Variants in VWA7 observed in about 807,000 individuals in gnomAD.
VWA7 encodes the protein von Willebrand factor A domain containing 7.
VWA7 carries 66 observed loss-of-function variants against 83.1 expected under a neutral mutation model. The observed-to-expected ratio is 0.79, with a 90% CI of 0.65 to 0.98. VWA7 has a LOEUF of 0.98. VWA7 is among the 50% of genes least tolerant of loss of function. The pLI is 0.00. For missense variants in VWA7, 1,080 were observed against 1,160.2 expected, an observed-to-expected ratio of 0.93 and a Z score of 1.00; for synonymous variants, 424 against 488.5, an observed-to-expected ratio of 0.87 and a Z score of 1.74.
At position 31,773,132 on chromosome 6, in the gene VWA7, C is replaced by T. The variant is rs780907422; in HGVS notation, c.918-9G>A. On this transcript the variant is annotated splice_polypyrimidine_tract_variant and intron_variant, in intron 6 of 16. Coordinates refer to ENST00000375688, the MANE Select transcript of VWA7 (RefSeq NM_025258.3). This position sits in a 1 kb window ranked among gnomAD's most constrained non-coding sequence, Gnocchi z 5.3. ...GGGTGATGTCCAGCAGCCTGGGGAG[C>T]AAGCCAGAGACACAGTGAAGGGCCT... 1.9e-6 allele frequency: 3 copies of T among 1,609,082 alleles called. No homozygotes were observed. The African/African-American group carries it at 4.0e-5, about 22-fold the overall frequency.
chr6:31,766,433 C>A lies in VWA7; in HGVS notation c.2184+30G>T. 6.3e-7 allele frequency: 1 copy of A among 1,574,804 alleles called. No individual in the cohort carries two copies. ...AAGGGGCCGCTCTAACTCTCTCCAG[C>A]CCCAGCCGCACTTTCCCCTGGCGTC... On this transcript the variant is annotated intron_variant, in intron 14 of 16. Coordinates refer to ENST00000375688, the MANE Select transcript of VWA7 (RefSeq NM_025258.3). The surrounding 1 kb of genome is among the most constrained non-coding windows in gnomAD (Gnocchi z 4.9).
chr6:31,773,424 G>A lies in VWA7; in HGVS notation c.735C>T (p.His245=), dbSNP rs765475428. 15 of 1,593,560 alleles carry A rather than the reference G, an allele frequency of 9.4e-6. No individual in the cohort carries two copies. In the East Asian group the frequency reaches 1.4e-4, roughly 14 times the overall value. Residue 245 remains histidine, a synonymous_variant, in exon 6 of 17, where the codon CAC becomes CAT. Coordinates refer to ENST00000375688, the MANE Select transcript of VWA7 (RefSeq NM_025258.3). This position sits in a 1 kb window ranked among gnomAD's most constrained non-coding sequence, Gnocchi z 5.3. ...HPPKPPGKCS[H]GGHFDRSSSQ... ...AGCTGCTCCGGTCAAAATGGCCCCC[G>A]TGGCTACATTTCCCTGGGTTGGGGA...
rs1257628101 is a variant in VWA7 at position 31,769,699 on chromosome 6, G to A, written c.1293C>T (p.Ser431=). ...CCCGGCAGCGCCGCTCCTGAGTCAG[G>A]GATTCCACCTGGTTGGTGAGAAAGG... is the stretch of plus-strand genomic sequence containing the variant. ...KDAFLTNQVE[S]LTQERRCRVT... is the part of the protein sequence containing the mutation. The change falls in exon 9 of 17, where the codon TCC becomes TCT. Residue 431 remains serine, a synonymous_variant. Coordinates refer to ENST00000375688, the MANE Select transcript of VWA7 (RefSeq NM_025258.3). The surrounding 1 kb of genome is among the most constrained non-coding windows in gnomAD (Gnocchi z 4.5). 6.2e-7 allele frequency: 1 copy of A among 1,613,026 alleles called. No homozygotes were observed. Among genetic ancestry groups the A allele is most frequent in the South Asian group, 1.1e-5 (1 of 91,088 alleles).
In VWA7 at chr6:31,775,933, C is replaced by T; in HGVS notation, c.513+31G>A. ...CCGGACAGGCACGGAAGTGAAGACC[C>T]CTCTGACCATCAACCCAACCCTGTT... is the stretch of plus-strand genomic sequence containing the variant. On this transcript the variant is annotated intron_variant, in intron 3 of 16. Coordinates refer to ENST00000375688, the MANE Select transcript of VWA7 (RefSeq NM_025258.3). This position sits in a 1 kb window ranked among gnomAD's most constrained non-coding sequence, Gnocchi z 5.9. The T allele has an allele frequency of 1.3e-6, 2 of 1,584,070 alleles. No individual in the cohort carries two copies. The highest frequency in any genetic ancestry group is 2.2e-5 in the East Asian group (1 of 44,542).
Position 31,776,470 on chromosome 6 carries a change from CAGAGCCCTCAAGGAGT to C in VWA7, c.234+60_234+75del. The C allele has an allele frequency of 1.5e-6, 2 of 1,356,878 alleles. No individual in the cohort carries two copies. The highest frequency in any genetic ancestry group is 2.0e-6 in the Non-Finnish European group (2 of 1,004,756). The allele number at this position is 1,356,878 out of a possible 1,614,324, so 84.1% of individuals were successfully genotyped here. A position where few individuals can be genotyped will look rare whatever the true frequency, so the allele number is the denominator to read the frequency against. Reference sequence around the variant, plus strand: ...CATGGGTGTCTCTTCTCTTGGCAACCAGAGCCCTCAAGGAGTAGAGGCCCCATGGAATTGGGGACTC... The same window carrying C: ...CATGGGTGTCTCTTCTCTTGGCAACCAGAGGCCCCATGGAATTGGGGACTC... On this transcript the variant is annotated intron_variant, in intron 2 of 16. Coordinates refer to ENST00000375688, the MANE Select transcript of VWA7 (RefSeq NM_025258.3). The surrounding 1 kb of genome is among the most constrained non-coding windows in gnomAD (Gnocchi z 6.2).
In VWA7 at chr6:31,766,277, G is replaced by C; in HGVS notation, c.2292C>G (p.Asn764Lys). ...GGTTGGAGGTGAGGGAGAAGCTGGG[G>C]TTGACGAAAGTCCTAAGGTCAAGAT... ...PQDLDLRTFVNPSFSLTSNLS... is the reference protein window; with the variant it reads ...PQDLDLRTFVKPSFSLTSNLS... Residue 764 changes from asparagine (N) to lysine (K), a missense_variant, in exon 15 of 17, where the codon AAC becomes AAG. Asn to Lys is a moderately conservative substitution (Grantham distance 94). Coordinates refer to ENST00000375688, the MANE Select transcript of VWA7 (RefSeq NM_025258.3). This position sits in a 1 kb window ranked among gnomAD's most constrained non-coding sequence, Gnocchi z 4.9. 1 of 1,612,554 alleles carries C rather than the reference G, an allele frequency of 6.2e-7. No homozygotes were observed. The highest frequency in any genetic ancestry group is 1.1e-5 in the South Asian group (1 of 90,962).
chr6:31,771,187 T>G (rs1186774165), intron 7 of VWA7: 1 of 152,208 alleles, frequency 6.6e-6, no homozygotes, highest in East Asian at 1.9e-4. Context: ...CCTTTATTTA[T>G]ATCTTCATCA....
chr6:31,775,949 C>G lies in VWA7; in HGVS notation c.513+15G>C. On this transcript the variant is annotated intron_variant, in intron 3 of 16. Transcript: ENST00000375688. This position sits in a 1 kb window ranked among gnomAD's most constrained non-coding sequence, Gnocchi z 5.9. ...GTGAAGACCCCTCTGACCATCAACCCAACCCTGTTCTCACCTGCAGGGCAT... is the reference window on the plus strand; with the variant it reads ...GTGAAGACCCCTCTGACCATCAACCGAACCCTGTTCTCACCTGCAGGGCAT... 1 of 1,598,912 alleles carries G rather than the reference C, an allele frequency of 6.3e-7. No individual in the cohort carries two copies. Among genetic ancestry groups the G allele is most frequent in the Non-Finnish European group, 8.5e-7 (1 of 1,171,904 alleles).
intron 4 of VWA7, among the ~76,000 whole-genome samples, chr6:31,774,858 C>T (rs926637762): frequency 6.6e-6 from 1 of 152,098 alleles, no homozygotes; most frequent in Non-Finnish European, 1.5e-5. Context: ...CGGTGGCTCA[C>T]GACTGTAATC....
Position 31,776,447 on chromosome 6 carries a change from T to A in VWA7, c.234+99A>T. ...TATTATTGCTGCAGGGGTGGGGCCA[T>A]GGGTGTCTCTTCTCTTGGCAACCAG... On this transcript the variant is annotated intron_variant, in intron 2 of 16. Coordinates refer to ENST00000375688, the MANE Select transcript of VWA7 (RefSeq NM_025258.3). This position sits in a 1 kb window ranked among gnomAD's most constrained non-coding sequence, Gnocchi z 6.2. 8.0e-7 allele frequency: 1 copy of A among 1,254,878 alleles called. No homozygotes were observed. Among genetic ancestry groups the A allele is most frequent in the Non-Finnish European group, 1.1e-6 (1 of 917,538 alleles). The allele number at this position is 1,254,878 out of a possible 1,614,324, so 77.7% of individuals were successfully genotyped here. A position where few individuals can be genotyped will look rare whatever the true frequency, so the allele number is the denominator to read the frequency against.
intron 10 of VWA7, among the ~76,000 whole-genome samples, chr6:31,768,225 G>A (rs1271710519): frequency 6.6e-6 from 1 of 151,984 alleles, no homozygotes; most frequent in East Asian, 1.9e-4. Flanking sequence ...CAGTAAGAGA[G>A]GGGCACGGGG....
chr6:31,771,932 A>C (rs531393074), intron 7 of VWA7: 1 of 132,094 alleles, frequency 7.6e-6, no homozygotes, highest in South Asian at 2.7e-4. Context: ...CGGAGCTTGT[A>C]GTGAGCCGAG....
chr6:31,776,049 G>GC lies in VWA7; in HGVS notation c.427dup (p.Ala143GlyfsTer13). On this transcript the variant is annotated frameshift_variant, in exon 3 of 17. Transcript: ENST00000375688. LOFTEE classifies it high-confidence loss of function. This position sits in a 1 kb window ranked among gnomAD's most constrained non-coding sequence, Gnocchi z 6.2. ...GGCTGCCACCACGGTCTCCCGCAGAGCCCCTACCAGGCGCGCGCGTCCCTG... is the reference window on the plus strand; with the variant it reads ...GGCTGCCACCACGGTCTCCCGCAGAGCCCCCTACCAGGCGCGCGCGTCCCTG... 6.2e-7 allele frequency: 1 copy of GC among 1,613,748 alleles called. No homozygotes were observed. The highest frequency in any genetic ancestry group is 8.5e-7 in the Non-Finnish European group (1 of 1,180,016).
chr6:31,766,312 C>G lies in VWA7; in HGVS notation c.2257G>C (p.Gly753Arg). 4 of 1,612,008 alleles carry G rather than the reference C, an allele frequency of 2.5e-6. No individual in the cohort carries two copies. The highest frequency in any genetic ancestry group is 3.4e-6 in the Non-Finnish European group (4 of 1,179,732). ...GTCCTAAGGTCAAGATCCTGAGGGC[C>G]CGAGAAGCTGGCGATGCGGAGACTG... ...PLSLRIASFS[G>R]PQDLDLRTFV... The change falls in exon 15 of 17, where the codon GGC becomes CGC. Residue 753 changes from glycine to arginine, a missense_variant. By Grantham distance (125) the Gly-to-Arg change is moderately radical (BLOSUM62 -2). Transcript: ENST00000375688. This position sits in a 1 kb window ranked among gnomAD's most constrained non-coding sequence, Gnocchi z 4.9.
At position 31,775,328 on chromosome 6, in the gene VWA7, C is replaced by T. The variant is rs759603621; in HGVS notation, c.610+5G>A. The T allele has an allele frequency of 1.2e-6, 2 of 1,611,284 alleles. No homozygotes were observed. Among genetic ancestry groups the T allele is most frequent in the South Asian group, 1.1e-5 (1 of 90,806 alleles). On this transcript the variant is annotated splice_donor_5th_base_variant and intron_variant, in intron 4 of 16. Coordinates refer to ENST00000375688, the MANE Select transcript of VWA7 (RefSeq NM_025258.3). The surrounding 1 kb of genome is among the most constrained non-coding windows in gnomAD (Gnocchi z 5.9). Reference sequence around the variant, plus strand: ...CCTGCCTCACCACCAGGGTCACAGCCATACCTTGTGCCAGGTTCTGGAGCT... The same window carrying T: ...CCTGCCTCACCACCAGGGTCACAGCTATACCTTGTGCCAGGTTCTGGAGCT...
rs562844339 is a variant in VWA7, at chr6:31,769,861, G to A, written c.1201-70C>T. 3 of 1,519,688 alleles carry A rather than the reference G, an allele frequency of 2.0e-6. No individual in the cohort carries two copies. In the African/African-American group the frequency reaches 4.1e-5, roughly 21 times the overall value. The allele number at this position is 1,519,688 out of a possible 1,614,324, so 94.1% of individuals were successfully genotyped here. A position where few individuals can be genotyped will look rare whatever the true frequency, so the allele number is the denominator to read the frequency against. On this transcript the variant is annotated intron_variant, in intron 8 of 16. Transcript: ENST00000375688. This position sits in a 1 kb window ranked among gnomAD's most constrained non-coding sequence, Gnocchi z 4.5. ...GGGAATGGGTAGAGCCACGGAGGAT[G>A]AAGCAGAAGGGAATATGGCCCGGGA...
intron 10 of VWA7, among the ~76,000 whole-genome samples, chr6:31,768,506 A>G (rs1359005837): frequency 6.6e-6 from 1 of 152,102 alleles, no homozygotes; most frequent in Non-Finnish European, 1.5e-5. Flanking sequence ...CTGGAGGCAG[A>G]ATACTGGAAG....
Position 31,766,131 on chromosome 6 carries a change from C to A in VWA7, c.2325-74G>T. The A allele has an allele frequency of 6.3e-7, 1 of 1,596,020 alleles. No individual in the cohort carries two copies. Among genetic ancestry groups the A allele is most frequent in the South Asian group, 1.1e-5 (1 of 89,728 alleles). ...TAGAGTCGGGACGCCTGCAGGGGCACGGGAGCGGAGAGGAGGATTCTGAGG... is the reference window on the plus strand; with the variant it reads ...TAGAGTCGGGACGCCTGCAGGGGCAAGGGAGCGGAGAGGAGGATTCTGAGG... On this transcript the variant is annotated intron_variant, in intron 15 of 16. Coordinates refer to ENST00000375688, the MANE Select transcript of VWA7 (RefSeq NM_025258.3). This position sits in a 1 kb window ranked among gnomAD's most constrained non-coding sequence, Gnocchi z 4.9.
In VWA7 at chr6:31,765,660, AGCCAGCCCTGC is replaced by A. The variant is rs1329742311; in HGVS notation, c.2599_2609del (p.Ala867CysfsTer?). 1.9e-6 allele frequency: 3 copies of A among 1,607,046 alleles called. No homozygotes were observed. In the African/African-American group the frequency reaches 4.0e-5, roughly 21 times the overall value. On this transcript the variant is annotated frameshift_variant, in exon 17 of 17. Transcript: ENST00000375688. LOFTEE classifies it low-confidence loss of function (END_TRUNC). Reference sequence around the variant, plus strand: ...CTGTGCCCCACCAGGGGCTGCCCGCAGCCAGCCCTGCCCCAGCCCTGCCTTGAGTCACCAAT... The same window carrying A: ...CTGTGCCCCACCAGGGGCTGCCCGCACCCAGCCCTGCCTTGAGTCACCAAT...
Sources: gnomAD v4.1 joint callset for allele counts (sites outside exome capture counted in the v4.1 genomes callset) on GRCh38, gnomAD v4.1.1 for gene constraint, Gnocchi (gnomAD v3.1) non-coding constraint, MANE v1.5 for transcripts, NCBI Gene and HGNC (gene_info 2026-07-23, HGNC 2026-07-21) for gene names.